The following SLC16A7 variants were observed in gnomAD, a reference collection of about 807,000 sequenced individuals.
The protein encoded by SLC16A7 is solute carrier family 16 member 7.
A neutral mutation model predicts 34.9 loss-of-function variants in SLC16A7; 33 were observed. That is an observed-to-expected ratio of 0.94 (90% confidence interval 0.72 to 1.26). SLC16A7 has a LOEUF of 1.26. SLC16A7 is among the 50% of genes most tolerant of loss of function. The pLI is 0.00. For synonymous variants in SLC16A7, 201 were observed against 206.6 expected (o/e 0.97, Z 0.23); for missense variants, 573 against 578.1 (o/e 0.99, Z 0.09).
At chr12:59,660,420 A>G (rs1183180389) in intron 2 of SLC16A7, among the ~76,000 whole-genome samples, 2 of 152,050 alleles carry the variant, frequency 1.3e-5, no homozygotes, top group African/African-American at 4.8e-5. Context: ...TGTCTTTGCC[A>G]TATAATTTTA....
chr12:59,751,900 T>G (rs995863184), intron 3 of SLC16A7, among the ~76,000 whole-genome samples: 2 of 152,184 alleles, frequency 1.3e-5, no homozygotes, highest in East Asian at 1.9e-4. Context: ...GTACTCCTCT[T>G]AGACAAAACT....
intron 1 of SLC16A7, among the ~76,000 whole-genome samples, chr12:59,654,497 A>G (rs563173221): frequency 2.6e-4 from 39 of 152,028 alleles, no homozygotes; most frequent in South Asian, 8.3e-4. Flanking sequence ...CAAGGTTCAT[A>G]TCATCAAAGA....
At chr12:59,625,254 C>G (rs1879877103) in intron 1 of SLC16A7, among the ~76,000 whole-genome samples, 1 of 151,698 alleles carries the variant, frequency 6.6e-6, no homozygotes, top group Non-Finnish European at 1.5e-5. Flanking sequence ...CATGGACTAC[C>G]AATTTTCCAT....
chr12:59,619,050 G>A (rs1265159029), intron 1 of SLC16A7, among the ~76,000 whole-genome samples: 1 of 151,978 alleles, frequency 6.6e-6, no homozygotes, highest in East Asian at 1.9e-4. Flanking sequence ...AATGTTAAAT[G>A]TATCTAATGT....
chr12:59,741,696 C>T (rs1688402575), intron 3 of SLC16A7, among the ~76,000 whole-genome samples: 1 of 152,264 alleles, frequency 6.6e-6, no homozygotes, highest in South Asian at 2.1e-4. Flanking sequence ...TCTCTGAAGC[C>T]AGCCAGTAGT....
chr12:59,748,034 C>T (rs1476103302), intron 3 of SLC16A7, among the ~76,000 whole-genome samples: 1 of 152,076 alleles, frequency 6.6e-6, no homozygotes, highest in African/African-American at 2.4e-5. Flanking sequence ...GAAACCCCAT[C>T]TCTACTAAAA....
intron 1 of SLC16A7, among the ~76,000 whole-genome samples, chr12:59,598,307 G>A (rs1201793768): frequency 6.6e-6 from 1 of 152,200 alleles, no homozygotes; most frequent in Non-Finnish European, 1.5e-5. Flanking sequence ...GTGATATTGG[G>A]AAGAATGAAG....
At chr12:59,693,915 T>C (rs576552888) in intron 2 of SLC16A7, among the ~76,000 whole-genome samples, 3 of 152,042 alleles carry the variant, frequency 2.0e-5, no homozygotes, top group African/African-American at 7.2e-5. Flanking sequence ...GACATTATAC[T>C]TAAAAAAGTC....
chr12:59,739,840 T>G (rs1878084108), intron 3 of SLC16A7, among the ~76,000 whole-genome samples: 2 of 152,270 alleles, frequency 1.3e-5, no homozygotes, highest in Admixed American at 1.3e-4. Flanking sequence ...CATAAATGTC[T>G]TCTTTTGAGA....
intron 1 of SLC16A7, among the ~76,000 whole-genome samples, chr12:59,611,866 C>G (rs1879209648): frequency 6.6e-6 from 1 of 152,204 alleles, no homozygotes; most frequent in African/African-American, 2.4e-5. Context: ...ACATAGAGGT[C>G]ATGCTGATGC....
chr12:59,607,284 G>T (rs1183019718), intron 1 of SLC16A7, among the ~76,000 whole-genome samples: 1 of 152,196 alleles, frequency 6.6e-6, no homozygotes, highest in Non-Finnish European at 1.5e-5. Context: ...ATAGTCTTTA[G>T]TTAAGAGAGG....
At chr12:59,663,344 CTT>C (rs1356700025) in intron 2 of SLC16A7, among the ~76,000 whole-genome samples, 1 of 147,154 alleles carries the variant, frequency 6.8e-6, no homozygotes, top group African/African-American at 2.6e-5. Flanking sequence ...AAAATTGAGT[CTT>C]ATTTTCATAT....
In SLC16A7 at chr12:59,777,354, C is replaced by T. The variant is rs55807277; in HGVS notation, c.1180+1879C>T. Among the ~76,000 whole-genome samples the T allele has an allele frequency of 8.6e-3, 1,313 of 152,144 alleles. 9 individuals carry two copies. The highest frequency in any genetic ancestry group is 0.014 in the Non-Finnish European group (968 of 67,996). On this transcript the variant is annotated intron_variant, in intron 5 of 5. Transcript: ENST00000547379. ...CTTCTTCTCTATAGTATTTGATTAT[C>T]GCTAGAACTGCTGGCCCATAGTAGG...
intron 2 of SLC16A7, among the ~76,000 whole-genome samples, chr12:59,657,625 G>C (rs376530752): frequency 4.6e-5 from 7 of 151,974 alleles, no homozygotes; most frequent in East Asian, 3.9e-4. Context: ...TTTGACAGTG[G>C]TGGTGGGTCT....
At chr12:59,644,967 T>C (rs989983668) in intron 1 of SLC16A7, among the ~76,000 whole-genome samples, 2 of 152,248 alleles carry the variant, frequency 1.3e-5, no homozygotes, top group Non-Finnish European at 2.9e-5. Context: ...AATATCATAA[T>C]TGAAACCCAT....
chr12:59,605,577 C>T (rs1452347174), intron 1 of SLC16A7, among the ~76,000 whole-genome samples: 3 of 152,122 alleles, frequency 2.0e-5, no homozygotes, highest in Admixed American at 2.0e-4. Context: ...CTATTTATTC[C>T]CCTGCTGTGT....
intron 3 of SLC16A7, among the ~76,000 whole-genome samples, chr12:59,710,665 CTATT>C (rs1207209291): frequency 1.3e-5 from 2 of 152,102 alleles, no homozygotes; most frequent in Non-Finnish European, 2.9e-5. Flanking sequence ...TAAAAAGAAC[CTATT>C]TATTAATTTA....
At chr12:59,659,867 A>T (rs1469895373) in intron 2 of SLC16A7, among the ~76,000 whole-genome samples, 2 of 152,110 alleles carry the variant, frequency 1.3e-5, no homozygotes, top group African/African-American at 2.4e-5. Flanking sequence ...AAAATTCAGC[A>T]ATCAGATGTG....
chr12:59,671,007 A>C (rs1384892028), intron 2 of SLC16A7, among the ~76,000 whole-genome samples: 2 of 151,546 alleles, frequency 1.3e-5, no homozygotes, highest in African/African-American at 4.8e-5. Flanking sequence ...CTGCTGATAA[A>C]ATAATTTCAA....
Sources: gnomAD v4.1 joint callset for allele counts (sites outside exome capture counted in the v4.1 genomes callset) on GRCh38, gnomAD v4.1.1 for gene constraint, MANE v1.5 for transcripts, NCBI Gene and HGNC (gene_info 2026-07-23, HGNC 2026-07-21) for gene names.